Variants in SYK observed in about 807,000 individuals in gnomAD.
SYK encodes the protein spleen associated tyrosine kinase.
Under a neutral mutation model 77.8 loss-of-function variants are expected in SYK, and 16 were observed. That is an observed-to-expected ratio of 0.21 (90% CI 0.14 to 0.31). SYK has a LOEUF of 0.31. Ranked by LOEUF, SYK falls within the 10% of genes least tolerant of loss-of-function variation. SYK has a pLI of 1.00. For missense variants in SYK, 529 were observed against 814.4 expected (o/e 0.65, Z 4.26); for synonymous variants, 312 against 308.7 (o/e 1.01, Z -0.11).
intron 1 of SYK, among the ~76,000 whole-genome samples, chr9:90,822,658 C>G (rs750374086): frequency 1.3e-5 from 2 of 152,190 alleles, no homozygotes; most frequent in Non-Finnish European, 2.9e-5. Context: ...CCTCCTGGGT[C>G]CCAATATTTA....
chr9:90,829,485 A>G (rs1482425243), intron 1 of SYK, among the ~76,000 whole-genome samples: 2 of 152,180 alleles, frequency 1.3e-5, no homozygotes, highest in African/African-American at 4.8e-5. Flanking sequence ...AAGAACTAGA[A>G]TCTGCAGGTG....
intron 1 of SYK, among the ~76,000 whole-genome samples, chr9:90,840,463 G>A (rs1401114117): frequency 6.6e-6 from 1 of 151,848 alleles, no homozygotes; most frequent in African/African-American, 2.4e-5. Flanking sequence ...TAGAATGCAG[G>A]CGTGAGCCAC....
At chr9:90,857,017 T>G (rs1174780455) in intron 3 of SYK, among the ~76,000 whole-genome samples, 1 of 152,268 alleles carries the variant, frequency 6.6e-6, no homozygotes, top group Non-Finnish European at 1.5e-5. Context: ...GATATTGGCA[T>G]TGGCCCTTTG....
At chr9:90,862,450 C>T in intron 4 of SYK, 106 bp downstream of exon 4, 1 of 1,339,794 alleles carries the variant, frequency 7.5e-7, no homozygotes, top group Non-Finnish European at 1.0e-6. Flanking sequence ...CCACTGCCCA[C>T]AGTGTGGTCC....
Position 90,855,007 on chromosome 9 carries a change from T to TACACACACACAC in SYK, c.579-7196_579-7195insCACACACACACA, listed in dbSNP as rs769425530. The stretch of plus-strand genomic sequence containing the variant: ...CCTCTCTCTCTCTCACACACACACA[T>TACACACACACAC]ACATACACACACACACACACACACA... On this transcript the variant is annotated intron_variant, in intron 3 of 13. Coordinates refer to ENST00000375754, the MANE Select transcript of SYK (RefSeq NM_003177.7). Among the ~76,000 whole-genome samples, 151 of 42,108 alleles carry TACACACACACAC rather than the reference T, an allele frequency of 3.6e-3. 4 individuals are homozygous for TACACACACACAC. The Admixed American group carries it at 0.038, about 10-fold the overall frequency. 27.6% of individuals were successfully genotyped at this position (42,108 alleles called of 152,430 possible). A position where few individuals can be genotyped will look rare whatever the true frequency, so the allele number is the denominator to read the frequency against.
chr9:90,815,665 T>A (rs1007086407), intron 1 of SYK, among the ~76,000 whole-genome samples: 4 of 152,250 alleles, frequency 2.6e-5, no homozygotes, highest in Non-Finnish European at 5.9e-5. Context: ...TTAACAAAAT[T>A]GATACGTCTA....
chr9:90,892,253 G>A (rs1387966595), intron 13 of SYK, among the ~76,000 whole-genome samples: 1 of 152,156 alleles, frequency 6.6e-6, no homozygotes, highest in African/African-American at 2.4e-5. Context: ...GGAGATATGA[G>A]GAGGGTGTAA....
chr9:90,834,906 C>T (rs781529636), intron 1 of SYK, among the ~76,000 whole-genome samples: 32 of 152,220 alleles, frequency 2.1e-4, no homozygotes, highest in Non-Finnish European at 3.7e-4. Context: ...TTTGTGTCCA[C>T]AACAGCTGAC....
chr9:90,803,717 A>G (rs1319677), intron 1 of SYK, among the ~76,000 whole-genome samples: 62,730 of 151,936 alleles, frequency 0.41, 13,993 homozygotes, highest in East Asian at 0.62. Context: ...TTGTGCCAAG[A>G]CGTATTTTGG....
intron 7 of SYK, among the ~76,000 whole-genome samples, chr9:90,868,904 A>C (rs537284876): frequency 6.6e-6 from 1 of 152,244 alleles, no homozygotes; most frequent in Non-Finnish European, 1.5e-5. Context: ...TTAAATGCCT[A>C]TCAATGGAAA....
intron 3 of SYK, among the ~76,000 whole-genome samples, chr9:90,858,170 C>T (rs1299864779): frequency 6.6e-6 from 1 of 152,182 alleles, no homozygotes; most frequent in Non-Finnish European, 1.5e-5. Context: ...CCAGCCCTTC[C>T]AGGCCATGCC....
In SYK at chr9:90,881,983, A is replaced by T. The variant is rs72729078; in HGVS notation, c.1581+3030A>T. ...AGGAAGCTCACAATGCAACCCTTTT[A>T]AAAGTGACTTATTTGCATGTGCTGA... On this transcript the variant is annotated intron_variant, in intron 11 of 13. Coordinates refer to ENST00000375754, the MANE Select transcript of SYK (RefSeq NM_003177.7). Among the ~76,000 whole-genome samples, 2,397 of 152,336 alleles carry T rather than the reference A, an allele frequency of 0.016. 173 individuals are homozygous for T. In the East Asian group the frequency reaches 0.22, roughly 14 times the overall value.
At chr9:90,888,467 TA>T (rs1301057816) in intron 12 of SYK, 47 bp from the exon 13 acceptor site, 2 of 1,432,946 alleles carry the variant, frequency 1.4e-6, no homozygotes, top group Non-Finnish European at 1.9e-6. Context: ...TTTGTTTGAC[TA>T]ACACCTTTAA....
chr9:90,819,549 C>A (rs1362030715), intron 1 of SYK, among the ~76,000 whole-genome samples: 1 of 152,140 alleles, frequency 6.6e-6, no homozygotes, highest in Admixed American at 6.5e-5. Flanking sequence ...GAAGAGGAAA[C>A]CCCTGATAAA....
intron 11 of SYK, among the ~76,000 whole-genome samples, chr9:90,880,629 C>T (rs979201549): frequency 2.0e-5 from 3 of 152,222 alleles, no homozygotes; most frequent in Admixed American, 6.5e-5. Context: ...GAAAATGAAA[C>T]ATGAATGCTG....
intron 7 of SYK, 145 bp downstream of exon 7, chr9:90,867,344 C>T (rs1827542811): frequency 2.5e-6 from 2 of 799,516 alleles, no homozygotes; most frequent in Non-Finnish European, 4.1e-6. Context: ...TTGCTCACAC[C>T]TGCTGTTCCT....
chr9:90,835,709 G>A (rs1212623734), intron 1 of SYK, among the ~76,000 whole-genome samples: 2 of 152,154 alleles, frequency 1.3e-5, no homozygotes, highest in Non-Finnish European at 2.9e-5. Context: ...GCTTATGTAG[G>A]AACCAAGCTC....
rs1337949705 is a variant in SYK, at chr9:90,888,497, A to G, written c.1723-18A>G. On this transcript the variant is annotated intron_variant, in intron 12 of 13. Coordinates refer to ENST00000375754, the MANE Select transcript of SYK (RefSeq NM_003177.7). ...CCTTTAAAAAAAAAAAAGCTTATGC[A>G]TATCTTGCATGTTGTAGGGGATGAA... is the stretch of plus-strand genomic sequence containing the variant. 3.2e-6 allele frequency: 5 copies of G among 1,563,686 alleles called. No homozygotes were observed. Among genetic ancestry groups the G allele is most frequent in the Non-Finnish European group, 4.3e-6 (5 of 1,159,436 alleles).
At chr9:90,841,303 A>G (rs540396300) in intron 1 of SYK, among the ~76,000 whole-genome samples, 95 of 145,848 alleles carry the variant, frequency 6.5e-4, no homozygotes, top group African/African-American at 2.4e-3. Flanking sequence ...ATGTGTATGT[A>G]GTTTGTGTGC....
Sources: gnomAD v4.1 joint callset for allele counts (sites outside exome capture counted in the v4.1 genomes callset) on GRCh38, gnomAD v4.1.1 for gene constraint, MANE v1.5 for transcripts, NCBI Gene and HGNC (gene_info 2026-07-23, HGNC 2026-07-21) for gene names.